Variants in CEP250 observed in about 807,000 individuals in gnomAD.
CEP250 encodes the protein centrosomal protein 250.
In CEP250, 242 loss-of-function variants were observed where a neutral mutation model predicts 315.7. The ratio of observed to expected loss-of-function variants is 0.77; its 90% CI spans 0.69 to 0.85. CEP250 has a LOEUF of 0.85. CEP250 is among the 40% of genes least tolerant of loss of function. The probability of loss-of-function intolerance (pLI) is 0.00; values close to 1 mark genes in which losing one functional copy is unlikely to be tolerated. For missense variants in CEP250, 2,515 were observed against 2,886.4 expected (o/e 0.87, Z 2.95); for synonymous variants, 1,088 against 1,175.0 (o/e 0.93, Z 1.51).
chr20:35,461,857 A>G (rs1257335825), intron 3 of CEP250, among the ~76,000 whole-genome samples: 1 of 147,322 alleles, frequency 6.8e-6, no homozygotes, highest in Admixed American at 7.0e-5. Context: ...ATGATGATTC[A>G]CACAGTTCAC....
rs1374412813 is a variant in CEP250, at chr20:35,518,897, CGG to C, written c.*7272_*7273del. The C allele has an allele frequency of 6.6e-6, 1 of 151,658 alleles. No individual in the cohort carries two copies. The highest frequency in any genetic ancestry group is 1.5e-5 in the Non-Finnish European group (1 of 67,944). The allele number at this position is 151,658 out of a possible 1,614,324, so 9.4% of individuals were successfully genotyped here. A position where few individuals can be genotyped will look rare whatever the true frequency, so the allele number is the denominator to read the frequency against. ...AATACAAAAAATTAGCCGGGGGTGG[CGG>C]TGTGCACCTTGTAGTCCCAGCTACT... is the stretch of plus-strand genomic sequence containing the variant. On this transcript the variant is annotated 3_prime_UTR_variant, in exon 35 of 35. Coordinates refer to ENST00000397527, the MANE Select transcript of CEP250 (RefSeq NM_007186.6).
Position 35,474,059 on chromosome 20 carries a change from G to C in CEP250, c.1571+7G>C. 1.3e-6 allele frequency: 2 copies of C among 1,531,264 alleles called. No individual in the cohort carries two copies. Among genetic ancestry groups the C allele is most frequent in the Non-Finnish European group, 1.7e-6 (2 of 1,143,426 alleles). The allele number at this position is 1,531,264 out of a possible 1,614,324, so 94.9% of individuals were successfully genotyped here. A position where few individuals can be genotyped will look rare whatever the true frequency, so the allele number is the denominator to read the frequency against. On this transcript the variant is annotated splice_region_variant and intron_variant, in intron 14 of 34. Coordinates refer to ENST00000397527, the MANE Select transcript of CEP250 (RefSeq NM_007186.6). ...TCCGGGAGAGGGAGCGTCTGTAAGT[G>C]AGACTAGTCTCCTCCTCGCTGGGCC...
At chr20:35,468,965 C>T (rs527756038) in intron 9 of CEP250, among the ~76,000 whole-genome samples, 18 of 152,200 alleles carry the variant, frequency 1.2e-4, no homozygotes, top group African/African-American at 3.9e-4. Context: ...GTTGAGCCAC[C>T]GTGGCTGGCC....
At chr20:35,465,878 G>A (rs1428334982) in intron 6 of CEP250, 53 bp downstream of exon 6, 4 of 1,548,012 alleles carry the variant, frequency 2.6e-6, no homozygotes, top group African/African-American at 2.7e-5. Flanking sequence ...GGTGGAGAAG[G>A]CTGATGGGAA....
At chr20:35,502,279 C>A in intron 29 of CEP250, 111 bp from the exon 30 acceptor site, 1 of 937,188 alleles carries the variant, frequency 1.1e-6, no homozygotes, top group Non-Finnish European at 1.6e-6. Context: ...CTTTTTTTTG[C>A]CCAAGTCCTT....
At chr20:35,468,398 T>C (rs538298556) in intron 9 of CEP250, among the ~76,000 whole-genome samples, 1 of 152,326 alleles carries the variant, frequency 6.6e-6, no homozygotes, top group Non-Finnish European at 1.5e-5. Context: ...GCTGTTTTAC[T>C]TTTTGGATTA....
intron 2 of CEP250, among the ~76,000 whole-genome samples, chr20:35,459,367 G>A (rs1178669045): frequency 6.6e-6 from 1 of 152,022 alleles, no homozygotes; most frequent in Admixed American, 6.5e-5. Context: ...ATGTTTGCAA[G>A]TTACTGACAG....
At chr20:35,472,531 T>C in intron 11 of CEP250, 142 bp from the exon 12 acceptor site, 1 of 836,080 alleles carries the variant, frequency 1.2e-6, no homozygotes, top group Non-Finnish European at 1.9e-6. Flanking sequence ...CAGACTTTTA[T>C]GCTCAGATAC....
At chr20:35,457,002 G>C (rs2062645458) in intron 1 of CEP250, among the ~76,000 whole-genome samples, 1 of 152,058 alleles carries the variant, frequency 6.6e-6, no homozygotes, top group Non-Finnish European at 1.5e-5. Flanking sequence ...AGCTGGTCTC[G>C]AACTCCTGGC....
chr20:35,500,271 T>G, intron 28 of CEP250, 102 bp downstream of exon 28: 2 of 1,443,304 alleles, frequency 1.4e-6, no homozygotes, highest in Non-Finnish European at 1.9e-6. Context: ...GTTTATTTTA[T>G]TTTATTTTTG....
chr20:35,480,161 G>C lies in CEP250; in HGVS notation c.2586+16G>C. The C allele has an allele frequency of 6.3e-7, 1 of 1,599,894 alleles. No homozygotes were observed. The highest frequency in any genetic ancestry group is 2.2e-5 in the East Asian group (1 of 44,454). On this transcript the variant is annotated intron_variant, in intron 20 of 34. Coordinates refer to ENST00000397527, the MANE Select transcript of CEP250 (RefSeq NM_007186.6). ...GGAGAAATGGGTAAGTGGTCAATGT[G>C]GCCGGGTATGGCCTCCCTTCCATGA...
chr20:35,489,179 C>T (rs1245586606), intron 20 of CEP250, among the ~76,000 whole-genome samples: 1 of 137,486 alleles, frequency 7.3e-6, no homozygotes, highest in Non-Finnish European at 1.5e-5. Flanking sequence ...TAGAGTGAGA[C>T]TCTGTCTCAA....
intron 20 of CEP250, among the ~76,000 whole-genome samples, chr20:35,482,801 A>T (rs947502682): frequency 6.6e-6 from 1 of 151,770 alleles, no homozygotes; most frequent in South Asian, 2.1e-4. Flanking sequence ...GGCTCAAGTG[A>T]TCCACCCACC....
At chr20:35,464,216 A>G (rs1330623602) in intron 5 of CEP250, among the ~76,000 whole-genome samples, 1 of 152,172 alleles carries the variant, frequency 6.6e-6, no homozygotes, top group African/African-American at 2.4e-5. Context: ...TGCATTCAGT[A>G]TGTTCCTTGG....
At chr20:35,472,215 C>A in intron 11 of CEP250, 64 bp downstream of exon 11, 2 of 938,012 alleles carry the variant, frequency 2.1e-6, no homozygotes, top group Non-Finnish European at 3.5e-6. Context: ...TCTCCATGTC[C>A]TTTCAGTCCT....
intron 27 of CEP250, among the ~76,000 whole-genome samples, chr20:35,499,690 A>T (rs1484279064): frequency 6.6e-6 from 1 of 152,194 alleles, no homozygotes; most frequent in Admixed American, 6.5e-5. Flanking sequence ...GGGGCAATTC[A>T]TCCTGATTTG....
chr20:35,492,942 C>T (rs1264712058), intron 22 of CEP250, among the ~76,000 whole-genome samples: 4 of 152,056 alleles, frequency 2.6e-5, no homozygotes, highest in Non-Finnish European at 1.5e-5. Flanking sequence ...TGGCCAGGGT[C>T]GTCTCAAACT....
chr20:35,500,029 C>T lies in CEP250; in HGVS notation c.3778-20C>T. ...TGGAAGATGAGGAACTCACGTTTAG[C>T]CATGCCCTTCCTTTCCCAGGATGTT... is the stretch of plus-strand genomic sequence containing the variant. On this transcript the variant is annotated intron_variant, in intron 27 of 34. Coordinates refer to ENST00000397527, the MANE Select transcript of CEP250 (RefSeq NM_007186.6). 6.2e-7 allele frequency: 1 copy of T among 1,613,868 alleles called. No homozygotes were observed. Among genetic ancestry groups the T allele is most frequent in the South Asian group, 1.1e-5 (1 of 91,064 alleles).
At position 35,490,737 on chromosome 20, in the gene CEP250, C is replaced by A. The variant is rs2063663851; in HGVS notation, c.2687C>A (p.Thr896Lys). 6.2e-7 allele frequency: 1 copy of A among 1,613,920 alleles called. No individual in the cohort carries two copies. The highest frequency in any genetic ancestry group is 1.3e-5 in the African/African-American group (1 of 75,024). ...ELEMRLKEQQ[T>K]EMEAIQAQRE... ...GAAATGAGGCTAAAGGAGCAGCAGA[C>A]AGAAATGGAGGCCATCCAGGCCCAG... The change falls in exon 21 of 35, where the codon ACA becomes AAA. Residue 896 changes from threonine to lysine, a missense_variant. By Grantham distance (78) the Thr-to-Lys change is moderately conservative. Coordinates refer to ENST00000397527, the MANE Select transcript of CEP250 (RefSeq NM_007186.6).
Sources: allele counts gnomAD v4.1 joint callset (sites outside exome capture counted in the v4.1 genomes callset), GRCh38; gene constraint gnomAD v4.1.1; transcripts MANE v1.5; gene names NCBI Gene and HGNC (gene_info 2026-07-23, HGNC 2026-07-21).